The following PMPCA variants were observed in gnomAD, a reference collection of about 807,000 sequenced individuals.
The protein encoded by PMPCA is peptidase, mitochondrial processing subunit alpha.
In PMPCA, 47 loss-of-function variants were observed where a neutral mutation model predicts 59.3. The ratio of observed to expected loss-of-function variants is 0.79; its 90% CI spans 0.63 to 1.01. The LOEUF (loss-of-function observed/expected upper bound fraction) is 1.01. PMPCA is among the 50% of genes least tolerant of loss of function. PMPCA has a pLI of 0.00. For missense variants in PMPCA, 726 were observed against 704.5 expected (o/e 1.03, Z -0.34); for synonymous variants, 338 against 290.3 (o/e 1.16, Z -1.67).
intron 11 of PMPCA, among the ~76,000 whole-genome samples, chr9:136,421,408 T>TTTTG (rs1588822843): frequency 2.8e-5 from 2 of 72,326 alleles, no homozygotes; most frequent in South Asian, 7.4e-4. Context: ...GTTCCCGTTT[T>TTTTG]TTTTTTTTTT....
rs780583575 is a variant in PMPCA, at chr9:136,419,044, G to C, written c.1201G>C (p.Val401Leu). ...CIHASADPRQ[V>L]REMVEIITKE... ...GTTATCGTCTTGCCCTTCTTCGCAG[G>C]TTCGAGAAATGGTAGAAATCATCAC... Residue 401 changes from valine (V) to leucine (L), a missense_variant and splice_region_variant, in exon 11 of 13, where the codon GTT becomes CTT. Val to Leu is a conservative substitution (Grantham distance 32, BLOSUM62 1). Coordinates refer to ENST00000371717, the MANE Select transcript of PMPCA (RefSeq NM_015160.3). 3 of 1,613,806 alleles carry C rather than the reference G, an allele frequency of 1.9e-6. No individual in the cohort carries two copies.
rs764078668 is a variant in PMPCA, at chr9:136,421,986, G to A, written c.1408+10G>A. On this transcript the variant is annotated intron_variant, in intron 12 of 12. Transcript: ENST00000371717. The stretch of plus-strand genomic sequence containing the variant: ...CTGTGCACGCTCATCCGTGAGTACC[G>A]CAGGGGTAGTGAGGGGCTGCCGCAG... 4.4e-6 allele frequency: 7 copies of A among 1,603,274 alleles called. No individual in the cohort carries two copies. The highest frequency in any genetic ancestry group is 4.5e-5 in the East Asian group (2 of 44,302).
rs576164150 is a variant in PMPCA at position 136,419,245 on chromosome 9, G to A, written c.1263+139G>A. The stretch of plus-strand genomic sequence containing the variant: ...CCGGCAGGGCAGGGCAGGGCAGGGC[G>A]GCCAAGGAGGCACAGCCTGGGGCTG... On this transcript the variant is annotated intron_variant, in intron 11 of 12. Transcript: ENST00000371717. 912 of 815,922 alleles carry A rather than the reference G, an allele frequency of 1.1e-3. 2 individuals carry two copies. The highest frequency in any genetic ancestry group is 1.6e-3 in the Non-Finnish European group (737 of 464,850). 50.5% of individuals were successfully genotyped at this position (815,922 alleles called of 1,614,324 possible).
Position 136,410,677 on chromosome 9 carries a change from T to A in PMPCA, c.9T>A (p.Ala3=). 7.1e-7 allele frequency: 1 copy of A among 1,414,236 alleles called. No homozygotes were observed. The highest frequency in any genetic ancestry group is 3.0e-5 in the Admixed American group (1 of 33,178). 87.6% of individuals were successfully genotyped at this position (1,414,236 alleles called of 1,614,324 possible). The change falls in exon 1 of 13, where the codon GCT becomes GCA. Residue 3 remains alanine, a synonymous_variant. Coordinates refer to ENST00000371717, the MANE Select transcript of PMPCA (RefSeq NM_015160.3). ...CGGGGCGGAGACGCAAGATGGCGGC[T>A]GTGGTGCTGGCGGCGACGCGGTTGC... MA[A]VVLAATRLLR...
At chr9:136,422,294 G>A (rs1835478939) in intron 12 of PMPCA, 2 of 1,254,196 alleles carry the variant, frequency 1.6e-6, no homozygotes, top group South Asian at 3.1e-5. Context: ...GAAGGGCTCA[G>A]TAGAGGACTG....
At chr9:136,419,863 C>T (rs1374854679) in intron 11 of PMPCA, 2 of 152,182 alleles carry the variant, frequency 1.3e-5, no homozygotes, top group South Asian at 2.1e-4. Context: ...ATTACAATTA[C>T]AGGTGTGAGC....
At chr9:136,422,976 CA>C in intron 12 of PMPCA, 118 bp from the exon 13 acceptor site, 1 of 1,460,106 alleles carries the variant, frequency 6.8e-7, no homozygotes. Context: ...GTGCCCCCAT[CA>C]GCAGCACAGC....
rs199812806 is a variant in PMPCA at position 136,412,235 on chromosome 9, G to A, written c.274+36G>A. The A allele has an allele frequency of 2.2e-3, 3,095 of 1,414,196 alleles. 6 individuals carry two copies. The highest frequency in any genetic ancestry group is 2.8e-3 in the Non-Finnish European group (2,784 of 998,286). 87.6% of individuals were successfully genotyped at this position (1,414,196 alleles called of 1,614,324 possible). The stretch of plus-strand genomic sequence containing the variant: ...TTGTGTTGTCGTGGGTGGTCCCGCA[G>A]TTTTAACATGCACATGCTTTAGTTG... On this transcript the variant is annotated intron_variant, in intron 2 of 12. Transcript: ENST00000371717.
chr9:136,422,274 T>G, intron 12 of PMPCA: 1 of 1,308,438 alleles, frequency 7.6e-7, no homozygotes, highest in Admixed American at 3.0e-5. Context: ...GCACTCAAGT[T>G]AGTAGGCGAG....
chr9:136,410,785 C>A, intron 1 of PMPCA, 46 bp downstream of exon 1: 1 of 1,351,032 alleles, frequency 7.4e-7, no homozygotes, highest in Non-Finnish European at 9.5e-7. Context: ...GGGGGCGGCT[C>A]GAGTCTTTCT....
In PMPCA at chr9:136,422,609, G is replaced by C. The variant is rs377006448; in HGVS notation, c.1409-486G>C. 2.1e-4 allele frequency: 207 copies of C among 1,007,654 alleles called. 1 individual carries two copies. Among genetic ancestry groups the C allele is most frequent in the African/African-American group, 1.6e-3 (92 of 58,048 alleles). The allele number at this position is 1,007,654 out of a possible 1,614,324, so 62.4% of individuals were successfully genotyped here. On this transcript the variant is annotated intron_variant, in intron 12 of 12. Transcript: ENST00000371717. ...GTGGGCCCTCGTCCTTCCCTCAGGAGCCCCCGCTTAAATCCTCAAGCGAGT... is the reference window on the plus strand; with the variant it reads ...GTGGGCCCTCGTCCTTCCCTCAGGACCCCCCGCTTAAATCCTCAAGCGAGT...
rs1432560866 is a variant in PMPCA at position 136,412,806 on chromosome 9, C to T, written c.355-4C>T. 1 of 1,563,206 alleles carries T rather than the reference C, an allele frequency of 6.4e-7. No homozygotes were observed. Among genetic ancestry groups the T allele is most frequent in the Non-Finnish European group, 8.8e-7 (1 of 1,134,132 alleles). On this transcript the variant is annotated splice_region_variant and splice_polypyrimidine_tract_variant and intron_variant, in intron 3 of 12. Coordinates refer to ENST00000371717, the MANE Select transcript of PMPCA (RefSeq NM_015160.3). ...ATTTAGGTTTCCTTATTTATTTTTACTAGTCTACTGCTCGATTTGACAGCA... is the reference window on the plus strand; with the variant it reads ...ATTTAGGTTTCCTTATTTATTTTTATTAGTCTACTGCTCGATTTGACAGCA...
At position 136,423,066 on chromosome 9, in the gene PMPCA, G is replaced by A. The variant is rs201059352; in HGVS notation, c.1409-29G>A. ...TCAGCGTGGGGGCCGTGGCGCGCTCGTGTGACACGCGTTTGCCCTCTGCAC... is the reference window on the plus strand; with the variant it reads ...TCAGCGTGGGGGCCGTGGCGCGCTCATGTGACACGCGTTTGCCCTCTGCAC... On this transcript the variant is annotated intron_variant, in intron 12 of 12. Coordinates refer to ENST00000371717, the MANE Select transcript of PMPCA (RefSeq NM_015160.3). 6.6e-5 allele frequency: 106 copies of A among 1,596,282 alleles called. No homozygotes were observed. In the African/African-American group the frequency reaches 7.5e-4, roughly 11 times the overall value.
chr9:136,414,324 G>T (rs569957034), intron 4 of PMPCA, among the ~76,000 whole-genome samples: 23 of 152,330 alleles, frequency 1.5e-4, no homozygotes, highest in African/African-American at 5.1e-4. Flanking sequence ...TGAAGGGTAG[G>T]AGGTGTCCCC....
At chr9:136,416,124 C>A in intron 5 of PMPCA, 167 bp from the exon 6 acceptor site, 1 of 613,114 alleles carries the variant, frequency 1.6e-6, no homozygotes, top group Non-Finnish European at 2.9e-6. Flanking sequence ...CTGTAGCAGT[C>A]CCCCTCACTC....
intron 4 of PMPCA, among the ~76,000 whole-genome samples, chr9:136,413,418 T>C (rs540769907): frequency 3.3e-5 from 5 of 152,156 alleles, no homozygotes; most frequent in African/African-American, 1.2e-4. Flanking sequence ...GCAGTGGTCT[T>C]TGCATGCCAG....
At chr9:136,418,533 G>C (rs780186411) in intron 8 of PMPCA, 22 bp from the exon 9 acceptor site, 1 of 1,486,144 alleles carries the variant, frequency 6.7e-7, no homozygotes, top group South Asian at 1.1e-5. Flanking sequence ...GGTTCAGCCA[G>C]CTCTGCCCTC....
chr9:136,423,392 A>T lies in PMPCA; in HGVS notation c.*128A>T. The stretch of plus-strand genomic sequence containing the variant: ...TAAACGGTGCAAACAATGTCGCCAC[A>T]GCACCCACGCGGTTTGCATTCTTTT... On this transcript the variant is annotated 3_prime_UTR_variant, in exon 13 of 13. Transcript: ENST00000371717. The T allele has an allele frequency of 1.1e-6, 1 of 941,952 alleles. No homozygotes were observed. Among genetic ancestry groups the T allele is most frequent in the Non-Finnish European group, 1.6e-6 (1 of 641,684 alleles). The allele number at this position is 941,952 out of a possible 1,614,324, so 58.3% of individuals were successfully genotyped here.
In PMPCA at chr9:136,416,937, C is replaced by T. The variant is rs1289630739; in HGVS notation, c.634-14C>T. On this transcript the variant is annotated splice_polypyrimidine_tract_variant and intron_variant, in intron 6 of 12. Transcript: ENST00000371717. ...TGTCTTCAGTCACCTGTGTCTGTGG[C>T]TCTTCCCCATTAGGCGGCTTACAGG... The T allele has an allele frequency of 1.9e-6, 3 of 1,597,790 alleles. No homozygotes were observed. Among genetic ancestry groups the T allele is most frequent in the Non-Finnish European group, 2.6e-6 (3 of 1,170,224 alleles).
Sources: gnomAD v4.1 joint callset for allele counts (sites outside exome capture counted in the v4.1 genomes callset) on GRCh38, gnomAD v4.1.1 for gene constraint, MANE v1.5 for transcripts, NCBI Gene and HGNC (gene_info 2026-07-23, HGNC 2026-07-21) for gene names.